Variants in AK5 observed in about 807,000 individuals in gnomAD.
AK5 encodes the protein adenylate kinase isoenzyme 5.
A neutral mutation model predicts 69.5 loss-of-function variants in AK5; 27 were observed. That is an observed-to-expected ratio of 0.39 (90% CI 0.29 to 0.54). The LOEUF is 0.54. AK5 is among the 20% of genes least tolerant of loss of function. The pLI, the probability that AK5 is intolerant of heterozygous loss-of-function variation, is 0.71. For missense variants in AK5, 531 were observed against 700.4 expected, an observed-to-expected ratio of 0.76 and a Z score of 2.73; for synonymous variants, 260 against 244.4, an observed-to-expected ratio of 1.06 and a Z score of -0.60.
intron 10 of AK5, among the ~76,000 whole-genome samples, chr1:77,496,596 T>G (rs530764239): frequency 6.6e-6 from 1 of 152,100 alleles, no homozygotes; most frequent in African/African-American, 2.4e-5. Flanking sequence ...AGATCCATTA[T>G]GGGAACAGGT....
intron 8 of AK5, among the ~76,000 whole-genome samples, chr1:77,421,175 C>G (rs1320088562): frequency 2.0e-5 from 3 of 152,190 alleles, no homozygotes; most frequent in Non-Finnish European, 4.4e-5. Flanking sequence ...TTTCCATTAG[C>G]TTTCAACATT....
intron 8 of AK5, among the ~76,000 whole-genome samples, chr1:77,472,612 G>A (rs1333712400): frequency 2.0e-5 from 3 of 152,098 alleles, no homozygotes; most frequent in African/African-American, 7.2e-5. Flanking sequence ...GCCGGGCACA[G>A]TGGCTCATGC....
chr1:77,504,596 C>T (rs1237069314), intron 10 of AK5, among the ~76,000 whole-genome samples: 1 of 152,062 alleles, frequency 6.6e-6, no homozygotes, highest in Non-Finnish European at 1.5e-5. Context: ...AACCGAAATA[C>T]AAAAACAGAA....
intron 8 of AK5, among the ~76,000 whole-genome samples, chr1:77,482,806 A>G (rs1655337565): frequency 6.6e-6 from 1 of 151,584 alleles, no homozygotes; most frequent in Non-Finnish European, 1.5e-5. Flanking sequence ...TACAGGGGAC[A>G]TGTTGCTCAC....
chr1:77,327,861 A>G (rs547827799), intron 5 of AK5, among the ~76,000 whole-genome samples: 16 of 152,186 alleles, frequency 1.1e-4, no homozygotes, highest in Non-Finnish European at 1.9e-4. Context: ...GCTCTTCCAG[A>G]TGATCTGTTT....
intron 10 of AK5, among the ~76,000 whole-genome samples, chr1:77,512,481 G>A (rs1657406688): frequency 1.3e-5 from 2 of 152,296 alleles, no homozygotes; most frequent in South Asian, 2.1e-4. Context: ...TTAACAGAGA[G>A]ATGGGAATAG....
intron 1 of AK5, chr1:77,283,634 G>A (rs1054249301): frequency 1.9e-5 from 19 of 985,268 alleles, no homozygotes; most frequent in Non-Finnish European, 3.6e-6. Flanking sequence ...CTGAACTCAA[G>A]CGTGGTATGT....
intron 3 of AK5, among the ~76,000 whole-genome samples, chr1:77,295,495 T>TA (rs1658943757): frequency 6.6e-6 from 1 of 152,244 alleles, no homozygotes; most frequent in Non-Finnish European, 1.5e-5. Flanking sequence ...TAGCCGCTGT[T>TA]ACGCCATAAA....
intron 8 of AK5, among the ~76,000 whole-genome samples, chr1:77,477,029 TGC>T (rs1553155258): frequency 6.7e-6 from 1 of 150,372 alleles, no homozygotes; most frequent in African/African-American, 2.5e-5. Context: ...TGTGTGTGTG[TGC>T]GTGTGTGTGT....
In AK5 at chr1:77,521,929, G is replaced by C. The variant is rs971136001; in HGVS notation, c.1414G>C (p.Glu472Gln). 4 of 1,610,894 alleles carry C rather than the reference G, an allele frequency of 2.5e-6. No individual in the cohort carries two copies. In the African/African-American group the frequency reaches 4.0e-5, roughly 16 times the overall value. The part of the protein sequence containing the change: ...GYPREVKQGE[E>Q]FGRRIGDPQL... Reference sequence around the variant, plus strand: ...TCCTCGGGAGGTGAAGCAAGGGGAAGAGTTCGGACGCAGGGTGAGTGGTTG... The same window carrying C: ...TCCTCGGGAGGTGAAGCAAGGGGAACAGTTCGGACGCAGGGTGAGTGGTTG... Residue 472 changes from glutamate (E) to glutamine (Q), a missense_variant, in exon 12 of 14, where the codon GAG (glutamate) becomes CAG (glutamine). Physicochemically the swap from Glu to Gln is conservative, Grantham distance 29 (BLOSUM62 2). Coordinates refer to ENST00000354567, the MANE Select transcript of AK5 (RefSeq NM_174858.3).
chr1:77,372,764 T>TGTGTGC (rs1158506754), intron 6 of AK5, among the ~76,000 whole-genome samples: 6 of 131,678 alleles, frequency 4.6e-5, no homozygotes, highest in East Asian at 2.8e-4. Context: ...AAAATGTGTG[T>TGTGTGC]GTGTGTGCGT....
chr1:77,348,232 A>G (rs973331447), intron 6 of AK5, among the ~76,000 whole-genome samples: 2 of 152,200 alleles, frequency 1.3e-5, no homozygotes, highest in African/African-American at 4.8e-5. Context: ...TGATAACTAT[A>G]AAACAAATAA....
chr1:77,439,571 C>T (rs1652175161), intron 8 of AK5, among the ~76,000 whole-genome samples: 2 of 152,058 alleles, frequency 1.3e-5, no homozygotes. Context: ...CTCTTCCTAG[C>T]CTCTGGTAAC....
At chr1:77,313,546 G>A (rs534030579) in intron 5 of AK5, among the ~76,000 whole-genome samples, 1 of 152,208 alleles carries the variant, frequency 6.6e-6, no homozygotes, top group East Asian at 1.9e-4. Flanking sequence ...AGGCAAGGTA[G>A]GTGCTCCCCA....
At chr1:77,496,420 A>G (rs1656317998) in intron 10 of AK5, among the ~76,000 whole-genome samples, 1 of 152,190 alleles carries the variant, frequency 6.6e-6, no homozygotes, top group African/African-American at 2.4e-5. Context: ...TCAGCTTCCA[A>G]CTTCAGATGG....
chr1:77,394,435 C>T (rs1648697185), intron 6 of AK5, among the ~76,000 whole-genome samples: 2 of 152,090 alleles, frequency 1.3e-5, no homozygotes, highest in Admixed American at 6.5e-5. Flanking sequence ...ATCCTCCTTC[C>T]CTCTCTGGGA....
intron 6 of AK5, among the ~76,000 whole-genome samples, chr1:77,387,720 A>G (rs138477009): frequency 1.3e-5 from 2 of 152,358 alleles, no homozygotes; most frequent in African/African-American, 4.8e-5. Flanking sequence ...GTCTGAAAAC[A>G]TACTCCAAGT....
intron 10 of AK5, among the ~76,000 whole-genome samples, chr1:77,493,865 G>C (rs1243968609): frequency 1.3e-5 from 2 of 152,186 alleles, no homozygotes; most frequent in Admixed American, 1.3e-4. Context: ...GGCATTTTGT[G>C]GTGACAATGA....
intron 8 of AK5, among the ~76,000 whole-genome samples, chr1:77,462,954 C>G (rs902853289): frequency 2.0e-5 from 3 of 152,206 alleles, no homozygotes; most frequent in African/African-American, 7.2e-5. Flanking sequence ...CTTATTGTGA[C>G]TAGCTTGATT....
Sources: gnomAD v4.1 joint callset for allele counts (sites outside exome capture counted in the v4.1 genomes callset) on GRCh38, gnomAD v4.1.1 for gene constraint, MANE v1.5 for transcripts, NCBI Gene and HGNC (gene_info 2026-07-23, HGNC 2026-07-21) for gene names.